The following PTPRD variants were observed in gnomAD, a reference collection of about 807,000 sequenced individuals.
The protein encoded by PTPRD is protein tyrosine phosphatase receptor type D.
In PTPRD, 34 loss-of-function variants were observed where a neutral mutation model predicts 214.5. The ratio of observed to expected loss-of-function variants is 0.16; its 90% CI spans 0.12 to 0.21. The LOEUF (loss-of-function observed/expected upper bound fraction) is 0.21, where lower values mean the gene tolerates loss of function less well. PTPRD is among the 10% of genes least tolerant of loss of function. PTPRD has a pLI of 1.00. For synonymous variants in PTPRD, 1,128 were observed against 845.7 expected, an observed-to-expected ratio of 1.33 and a Z score of -5.79; for missense variants, 2,545 against 2,398.7, an observed-to-expected ratio of 1.06 and a Z score of -1.27.
At chr9:9,346,336 C>T (rs2048791908) in intron 9 of PTPRD, among the ~76,000 whole-genome samples, 1 of 152,098 alleles carries the variant, frequency 6.6e-6, no homozygotes, top group African/African-American at 2.4e-5. Context: ...ATGTGACTCA[C>T]ACGTAACATA....
At chr9:8,385,944 G>A (rs190158850) in intron 37 of PTPRD, among the ~76,000 whole-genome samples, 45 of 152,204 alleles carry the variant, frequency 3.0e-4, no homozygotes, top group Admixed American at 2.0e-3. Context: ...AGGATTCATC[G>A]TCAACCATAG....
rs1470737311 is a variant in PTPRD, at chr9:9,912,369, G to A, written c.-368+26138C>T. Among the ~76,000 whole-genome samples, 4 of 152,194 alleles carry A rather than the reference G, an allele frequency of 2.6e-5. No individual in the cohort carries two copies. In the South Asian group the frequency reaches 8.3e-4, roughly 32 times the overall value. On this transcript the variant is annotated intron_variant, in intron 5 of 45. Transcript: ENST00000381196. ...TTAGAGTCAACTCATTTATCATGAG[G>A]TAGCAGTCTCCCTTGTCAAATGCCA...
In PTPRD at chr9:8,497,235, T is replaced by G. The variant is rs750813567; in HGVS notation, c.2349+7A>C. 1 of 1,590,806 alleles carries G rather than the reference T, an allele frequency of 6.3e-7. No individual in the cohort carries two copies. The highest frequency in any genetic ancestry group is 1.7e-4 in the Middle Eastern group (1 of 6,024). The stretch of plus-strand genomic sequence containing the variant: ...TGCTTTTGACAAAACAGTCAAAAAT[T>G]ACTCACATGTTCAGTAGTATCATCA... On this transcript the variant is annotated splice_region_variant and intron_variant, in intron 26 of 45. Transcript: ENST00000381196.
intron 5 of PTPRD, among the ~76,000 whole-genome samples, chr9:9,827,715 C>T (rs936960132): frequency 6.6e-6 from 1 of 152,054 alleles, no homozygotes; most frequent in South Asian, 2.1e-4. Context: ...TCAGAATGAA[C>T]AGAAAACCTA....
intron 14 of PTPRD, among the ~76,000 whole-genome samples, chr9:8,546,853 G>T (rs186368491): frequency 7.9e-5 from 12 of 152,290 alleles, no homozygotes; most frequent in Admixed American, 4.6e-4. Context: ...TGGACATGAT[G>T]CATCTGTGTC....
chr9:9,746,837 A>T (rs1468569254), intron 6 of PTPRD, among the ~76,000 whole-genome samples: 3 of 145,410 alleles, frequency 2.1e-5, no homozygotes, highest in Non-Finnish European at 4.5e-5. Context: ...TTTTTTTGGC[A>T]GATGCAGTAC....
At chr9:9,381,583 G>T (rs1424727861) in intron 9 of PTPRD, among the ~76,000 whole-genome samples, 2 of 151,570 alleles carry the variant, frequency 1.3e-5, no homozygotes, top group African/African-American at 4.8e-5. Flanking sequence ...TGGTCTCCTG[G>T]GCTCAGCAAC....
chr9:8,513,433 A>C (rs923774194), intron 21 of PTPRD, among the ~76,000 whole-genome samples: 1 of 152,068 alleles, frequency 6.6e-6, no homozygotes, highest in Non-Finnish European at 1.5e-5. Context: ...GTTCTTTTGG[A>C]ATCCGGTTTC....
chr9:8,450,549 A>T (rs886214013), intron 33 of PTPRD, among the ~76,000 whole-genome samples: 1 of 152,226 alleles, frequency 6.6e-6, no homozygotes. Flanking sequence ...CCTGGTGGGT[A>T]GATCAGCGCT....
At chr9:9,923,097 A>G (rs2083061354) in intron 5 of PTPRD, among the ~76,000 whole-genome samples, 2 of 137,222 alleles carry the variant, frequency 1.5e-5, no homozygotes, top group South Asian at 2.1e-4. Context: ...ATGACTAAGG[A>G]AAAAAAAAGG....
At chr9:9,560,464 T>C (rs953106594) in intron 8 of PTPRD, among the ~76,000 whole-genome samples, 1 of 152,206 alleles carries the variant, frequency 6.6e-6, no homozygotes, top group African/African-American at 2.4e-5. Flanking sequence ...GCACCTCAGG[T>C]GCTTCAGCGC....
intron 23 of PTPRD, among the ~76,000 whole-genome samples, chr9:8,503,295 G>A (rs994140669): frequency 2.6e-5 from 4 of 151,986 alleles, no homozygotes; most frequent in Non-Finnish European, 5.9e-5. Flanking sequence ...TAAATATGAG[G>A]TTAACAGAGC....
chr9:8,381,102 T>C (rs1309775404), intron 37 of PTPRD, among the ~76,000 whole-genome samples: 1 of 152,154 alleles, frequency 6.6e-6, no homozygotes, highest in Non-Finnish European at 1.5e-5. Context: ...ACCATAACTA[T>C]TGCTAAAAGT....
chr9:9,517,351 G>T (rs1266003065), intron 8 of PTPRD, among the ~76,000 whole-genome samples: 4 of 152,036 alleles, frequency 2.6e-5, no homozygotes, highest in Non-Finnish European at 5.9e-5. Context: ...TTTTAGTAAG[G>T]GGATAGACTT....
At chr9:9,788,632 G>C (rs1364219920) in intron 5 of PTPRD, among the ~76,000 whole-genome samples, 1 of 151,138 alleles carries the variant, frequency 6.6e-6, no homozygotes, top group Non-Finnish European at 1.5e-5. Context: ...TTTAAATCCC[G>C]TAGACACAGT....
intron 8 of PTPRD, among the ~76,000 whole-genome samples, chr9:9,574,066 A>T (rs1400436179): frequency 6.6e-6 from 1 of 151,896 alleles, no homozygotes; most frequent in African/African-American, 2.4e-5. Context: ...GCAACAGATA[A>T]ACTCTGAAAG....
chr9:8,699,474 T>C (rs2098020544), intron 12 of PTPRD, among the ~76,000 whole-genome samples: 1 of 152,206 alleles, frequency 6.6e-6, no homozygotes, highest in Non-Finnish European at 1.5e-5. Context: ...AATCCCTCTA[T>C]AATGACTCAT....
chr9:9,892,693 G>C (rs902503127), intron 5 of PTPRD, among the ~76,000 whole-genome samples: 1 of 151,734 alleles, frequency 6.6e-6, no homozygotes, highest in South Asian at 2.1e-4. Flanking sequence ...GATGCATGAG[G>C]GTGACCAAGA....
In PTPRD at chr9:10,229,632, C is replaced by T. The variant is rs557224526; in HGVS notation, c.-545+111331G>A. Among the ~76,000 whole-genome samples the T allele has an allele frequency of 2.8e-5, 4 of 140,462 alleles. No homozygotes were observed. The South Asian group carries it at 6.6e-4, about 23-fold the overall frequency. The allele number at this position is 140,462 out of a possible 152,430, so 92.1% of individuals were successfully genotyped here. A position where few individuals can be genotyped will look rare whatever the true frequency, so the allele number is the denominator to read the frequency against. On this transcript the variant is annotated intron_variant, in intron 3 of 45. Coordinates refer to ENST00000381196, the MANE Select transcript of PTPRD (RefSeq NM_002839.4). ...AAACCAAACACCGCATGTTCTCACT[C>T]ATAGGTGGGAATTGAACAATGAGAA...
Sources: allele counts gnomAD v4.1 joint callset (sites outside exome capture counted in the v4.1 genomes callset), GRCh38; gene constraint gnomAD v4.1.1; transcripts MANE v1.5; gene names NCBI Gene and HGNC (gene_info 2026-07-23, HGNC 2026-07-21).